The following DGKI variants were observed in gnomAD, a reference collection of about 807,000 sequenced individuals.
DGKI encodes the protein DAG kinase iota.
Under a neutral mutation model 147.5 loss-of-function variants are expected in DGKI, and 55 were observed. That is an observed-to-expected ratio of 0.37 (90% CI 0.30 to 0.47). The LOEUF (loss-of-function observed/expected upper bound fraction) is 0.47. DGKI is among the 20% of genes least tolerant of loss of function. The probability of loss-of-function intolerance (pLI) is 1.00; values close to 1 mark genes in which losing one functional copy is unlikely to be tolerated. For missense variants in DGKI, 1,007 were observed against 1,323.8 expected (o/e 0.76, Z 3.71); for synonymous variants, 469 against 477.1 (o/e 0.98, Z 0.22).
chr7:137,438,962 T>C (rs919022410), intron 28 of DGKI, among the ~76,000 whole-genome samples: 2 of 152,134 alleles, frequency 1.3e-5, no homozygotes, highest in Admixed American at 6.5e-5. Context: ...GATATGCATA[T>C]ATGTAGTAAA....
At chr7:137,541,700 C>T (rs1400133725) in intron 20 of DGKI, among the ~76,000 whole-genome samples, 1 of 151,992 alleles carries the variant, frequency 6.6e-6, no homozygotes, top group Non-Finnish European at 1.5e-5. Context: ...CATTGGACAT[C>T]CATATGCAAA....
At chr7:137,587,336 G>A in intron 12 of DGKI, 126 bp from the exon 13 acceptor site, 2 of 673,238 alleles carry the variant, frequency 3.0e-6, no homozygotes, top group Non-Finnish European at 2.3e-6. Flanking sequence ...AAACATGTAT[G>A]TTTTCATTCA....
chr7:137,485,257 A>C (rs959163551), intron 23 of DGKI, 117 bp downstream of exon 23: 7 of 814,138 alleles, frequency 8.6e-6, no homozygotes, highest in Non-Finnish European at 1.4e-5. Flanking sequence ...CTAGATTCTT[A>C]GAATGAACTC....
chr7:137,612,582 G>A (rs907975585), intron 8 of DGKI, among the ~76,000 whole-genome samples: 2 of 152,076 alleles, frequency 1.3e-5, no homozygotes, highest in African/African-American at 2.4e-5. Flanking sequence ...TTTTGACCAT[G>A]ATGAAATAAA....
intron 6 of DGKI, among the ~76,000 whole-genome samples, chr7:137,626,533 G>A (rs986342716): frequency 2.0e-5 from 3 of 152,126 alleles, no homozygotes; most frequent in Non-Finnish European, 4.4e-5. Context: ...TTTCCAAGAT[G>A]ATGCTAAACT....
At chr7:137,718,626 T>C (rs898891604) in intron 1 of DGKI, among the ~76,000 whole-genome samples, 2 of 152,114 alleles carry the variant, frequency 1.3e-5, no homozygotes, top group Non-Finnish European at 2.9e-5. Flanking sequence ...TGCTGGCACA[T>C]GTGAAAAAGA....
rs1390922169 is a variant in DGKI at position 137,537,713 on chromosome 7, G to T, written c.2147+14656C>A. ...GGAGGCTCCACTGGCCCATGAGTGC[G>T]ATTCATTCTCAGACTCTCAGGAAGG... is the stretch of plus-strand genomic sequence containing the variant. On this transcript the variant is annotated intron_variant, in intron 20 of 32. Transcript: ENST00000614521. 1.1e-4 allele frequency among the ~76,000 whole-genome samples: 16 copies of T among 152,120 alleles called. 1 individual carries two copies. The highest frequency in any genetic ancestry group is 7.4e-5 in the Non-Finnish European group (5 of 68,022).
chr7:137,746,707 G>A (rs7785884), intron 1 of DGKI, among the ~76,000 whole-genome samples: 2,206 of 152,196 alleles, frequency 0.014, 56 homozygotes, highest in African/African-American at 0.05. Context: ...AGGAGACTCT[G>A]AAGTTTAGGT....
At chr7:137,704,193 T>G (rs1448761101) in intron 1 of DGKI, among the ~76,000 whole-genome samples, 8 of 151,884 alleles carry the variant, frequency 5.3e-5, no homozygotes. Context: ...CCTGGGGAAA[T>G]AAATAAATAA....
chr7:137,443,823 C>A (rs1001271214), intron 28 of DGKI, among the ~76,000 whole-genome samples: 4 of 152,190 alleles, frequency 2.6e-5, no homozygotes, highest in Non-Finnish European at 5.9e-5. Flanking sequence ...GCTGATGGGA[C>A]TGAAATCAGG....
At chr7:137,571,535 A>G (rs1029340909) in intron 18 of DGKI, among the ~76,000 whole-genome samples, 16 of 152,230 alleles carry the variant, frequency 1.1e-4, no homozygotes, top group Non-Finnish European at 5.9e-5. Context: ...TTCGTTATCT[A>G]TATTTCTCAC....
At chr7:137,463,733 G>A (rs1416519388) in intron 26 of DGKI, 122 bp from the exon 27 acceptor site, 16 of 1,125,742 alleles carry the variant, frequency 1.4e-5, no homozygotes, top group Admixed American at 1.2e-4. Flanking sequence ...TTTATGAAGT[G>A]TTTACCAGAT....
intron 21 of DGKI, among the ~76,000 whole-genome samples, chr7:137,506,589 C>G (rs1816376122): frequency 6.6e-6 from 1 of 152,120 alleles, no homozygotes; most frequent in Non-Finnish European, 1.5e-5. Flanking sequence ...CTAACGTACA[C>G]TATGGGATTC....
rs1205320820 is a variant in DGKI at position 137,389,753 on chromosome 7, G to T, written c.*1467C>A. The T allele has an allele frequency of 6.6e-6, 1 of 152,150 alleles. No homozygotes were observed. The highest frequency in any genetic ancestry group is 1.5e-5 in the Non-Finnish European group (1 of 68,024). 9.4% of individuals were successfully genotyped at this position (152,150 alleles called of 1,614,324 possible). ...GTAAGTACCATTCGATCCGTGGCAG[G>T]TTTAGATGTTACAATTCTAACTATC... On this transcript the variant is annotated 3_prime_UTR_variant, in exon 33 of 33. Transcript: ENST00000614521.
chr7:137,598,419 C>T (rs1819874181), intron 11 of DGKI, among the ~76,000 whole-genome samples: 1 of 152,206 alleles, frequency 6.6e-6, no homozygotes. Flanking sequence ...GGCTTCCGCA[C>T]TCTCAGATGT....
intron 1 of DGKI, among the ~76,000 whole-genome samples, chr7:137,704,658 C>T (rs779372413): frequency 1.3e-5 from 2 of 152,108 alleles, no homozygotes; most frequent in Non-Finnish European, 2.9e-5. Context: ...TTAATCTATA[C>T]ATTCAACAGG....
intron 20 of DGKI, among the ~76,000 whole-genome samples, chr7:137,548,033 T>A (rs945594661): frequency 2.6e-5 from 4 of 151,962 alleles, no homozygotes; most frequent in African/African-American, 4.8e-5. Flanking sequence ...AAGGGAGTGA[T>A]CAAAAAGGTC....
chr7:137,415,581 C>T (rs1408472771), intron 28 of DGKI, among the ~76,000 whole-genome samples: 1 of 152,108 alleles, frequency 6.6e-6, no homozygotes, highest in Non-Finnish European at 1.5e-5. Flanking sequence ...GGATGTTCTC[C>T]TGACTGAAGC....
chr7:137,656,426 T>C, intron 4 of DGKI, 40 bp downstream of exon 4: 1 of 1,608,978 alleles, frequency 6.2e-7, no homozygotes. Flanking sequence ...GACCAAATAC[T>C]TGCAATGTAA....
Sources: allele counts gnomAD v4.1 joint callset (sites outside exome capture counted in the v4.1 genomes callset), GRCh38; gene constraint gnomAD v4.1.1; transcripts MANE v1.5; gene names NCBI Gene and HGNC (gene_info 2026-07-23, HGNC 2026-07-21).